Variants in EVI5 observed in about 807,000 individuals in gnomAD.
EVI5 encodes ecotropic viral integration site 5.
A neutral mutation model predicts 112.0 loss-of-function variants in EVI5; 73 were observed. The observed-to-expected ratio is 0.65, with a 90% CI of 0.54 to 0.79. EVI5 has a LOEUF of 0.79. Ranked by LOEUF, EVI5 falls within the 30% of genes least tolerant of loss-of-function variation. The pLI is 0.00. For missense variants in EVI5, 900 were observed against 968.8 expected (o/e 0.93, Z 0.94); for synonymous variants, 305 against 319.9 (o/e 0.95, Z 0.50).
At chr1:92,545,469 T>C (rs568266783) in intron 19 of EVI5, among the ~76,000 whole-genome samples, 5 of 151,398 alleles carry the variant, frequency 3.3e-5, no homozygotes, top group South Asian at 2.1e-4. Flanking sequence ...AATCATGGTA[T>C]AGTCAAAGAA....
intron 9 of EVI5, among the ~76,000 whole-genome samples, chr1:92,678,660 TA>T (rs1667122865): frequency 6.6e-6 from 1 of 152,194 alleles, no homozygotes; most frequent in South Asian, 2.1e-4. Context: ...TTTACCTTTA[TA>T]AAAATGTATA....
At chr1:92,646,322 C>T (rs1023949441) in intron 13 of EVI5, among the ~76,000 whole-genome samples, 3 of 152,154 alleles carry the variant, frequency 2.0e-5, no homozygotes, top group Non-Finnish European at 2.9e-5. Context: ...TGGCTCTTTA[C>T]TTTGCTGACA....
intron 18 of EVI5, among the ~76,000 whole-genome samples, chr1:92,575,238 T>C (rs952340642): frequency 6.6e-6 from 1 of 152,208 alleles, no homozygotes; most frequent in African/African-American, 2.4e-5. Flanking sequence ...GTTCTTTTGC[T>C]CTCTATGTGT....
chr1:92,722,934 A>C (rs991801087), intron 2 of EVI5, among the ~76,000 whole-genome samples: 1 of 152,214 alleles, frequency 6.6e-6, no homozygotes, highest in South Asian at 2.1e-4. Context: ...AGCCAAAGAA[A>C]ACCTTTAAAA....
intron 19 of EVI5, among the ~76,000 whole-genome samples, chr1:92,520,963 T>G (rs1255589359): frequency 6.9e-6 from 1 of 145,684 alleles, no homozygotes; most frequent in Admixed American, 7.0e-5. Flanking sequence ...TGCTGCTTCT[T>G]CTTTTTTTTT....
At chr1:92,704,481 T>A (rs1425038102) in intron 3 of EVI5, 74 bp downstream of exon 3, 8 of 969,304 alleles carry the variant, frequency 8.3e-6, no homozygotes, top group Non-Finnish European at 1.2e-5. Flanking sequence ...GGGGTTTTTT[T>A]CCCAATCCTC....
chr1:92,621,156 A>G (rs1361390652), intron 16 of EVI5, among the ~76,000 whole-genome samples: 1 of 152,186 alleles, frequency 6.6e-6, no homozygotes, highest in Non-Finnish European at 1.5e-5. Context: ...TATCTAATAA[A>G]TCCAAGAGAA....
chr1:92,570,316 C>T (rs577276321), intron 18 of EVI5, among the ~76,000 whole-genome samples: 14 of 150,436 alleles, frequency 9.3e-5, no homozygotes, highest in Admixed American at 1.3e-4. Flanking sequence ...TTTTTTTTGG[C>T]GGGAGCGAGG....
chr1:92,650,276 A>T (rs1661856670), intron 13 of EVI5, among the ~76,000 whole-genome samples: 1 of 152,220 alleles, frequency 6.6e-6, no homozygotes, highest in South Asian at 2.1e-4. Context: ...GGTAGTACTG[A>T]CATCTTAACA....
At chr1:92,548,820 C>G (rs1404910541) in intron 19 of EVI5, among the ~76,000 whole-genome samples, 8 of 152,180 alleles carry the variant, frequency 5.3e-5, no homozygotes, top group Non-Finnish European at 1.2e-4. Flanking sequence ...AGGAGAACTA[C>G]AAACCACTGC....
chr1:92,517,695 T>C lies in EVI5; in HGVS notation c.2167-3725A>G, dbSNP rs181282691. Among the ~76,000 whole-genome samples the C allele has an allele frequency of 1.6e-4, 24 of 152,312 alleles. No homozygotes were observed. The East Asian group carries it at 3.7e-3, about 23-fold the overall frequency. On this transcript the variant is annotated intron_variant, in intron 19 of 19. Coordinates refer to ENST00000684568, the MANE Select transcript of EVI5 (RefSeq NM_001350197.2). Reference sequence around the variant, plus strand: ...TAAATGAACGTTTTCTGCAACTTTCTTCTTGTGGTATAGAGGTAGGGGCTA... The same window carrying C: ...TAAATGAACGTTTTCTGCAACTTTCCTCTTGTGGTATAGAGGTAGGGGCTA...
intron 13 of EVI5, among the ~76,000 whole-genome samples, chr1:92,662,100 T>A (rs1416811599): frequency 6.6e-6 from 1 of 152,162 alleles, no homozygotes; most frequent in Non-Finnish European, 1.5e-5. Context: ...CTAGGTTGAT[T>A]AAGATAATTA....
intron 2 of EVI5, among the ~76,000 whole-genome samples, chr1:92,734,053 T>C (rs1360749742): frequency 1.3e-5 from 2 of 152,220 alleles, no homozygotes; most frequent in Non-Finnish European, 2.9e-5. Context: ...CCTAGCATCA[T>C]GGGGGCCGGA....
intron 13 of EVI5, among the ~76,000 whole-genome samples, chr1:92,655,146 C>A (rs755789792): frequency 2.0e-5 from 3 of 151,552 alleles, no homozygotes; most frequent in Non-Finnish European, 2.9e-5. Flanking sequence ...AAATACAGTG[C>A]AAGAAGGACT....
chr1:92,612,883 T>C (rs939857135), intron 16 of EVI5, among the ~76,000 whole-genome samples: 3 of 152,160 alleles, frequency 2.0e-5, no homozygotes, highest in Admixed American at 6.5e-5. Context: ...AGCTAAGTAT[T>C]GGCTGGCTAG....
chr1:92,516,431 G>T (rs1659887594), intron 19 of EVI5, among the ~76,000 whole-genome samples: 1 of 152,218 alleles, frequency 6.6e-6, no homozygotes, highest in Admixed American at 6.5e-5. Flanking sequence ...CTCATTGAGA[G>T]CTGTTAATAT....
chr1:92,770,572 C>G (rs968994324), intron 1 of EVI5, among the ~76,000 whole-genome samples: 2 of 152,052 alleles, frequency 1.3e-5, no homozygotes, highest in Non-Finnish European at 1.5e-5. Context: ...GGGCTGATCA[C>G]GAGGTCAGGA....
chr1:92,789,676 G>A (rs144902186), upstream of EVI5, among the ~76,000 whole-genome samples: 219 of 152,296 alleles, frequency 1.4e-3, 3 homozygotes, highest in African/African-American at 5.0e-3. Context: ...TACAGCCTTA[G>A]CATTGATTTG....
intron 19 of EVI5, among the ~76,000 whole-genome samples, chr1:92,522,312 T>C (rs1023435125): frequency 4.6e-5 from 7 of 152,152 alleles, no homozygotes; most frequent in African/African-American, 1.4e-4. Flanking sequence ...TTGATTTCTA[T>C]GTTTAAGCTG....
Sources: gnomAD v4.1 joint callset for allele counts (sites outside exome capture counted in the v4.1 genomes callset) on GRCh38, gnomAD v4.1.1 for gene constraint, MANE v1.5 for transcripts, NCBI Gene and HGNC (gene_info 2026-07-23, HGNC 2026-07-21) for gene names.